The following TMC2 variants were observed in gnomAD, a reference collection of about 807,000 sequenced individuals.
TMC2 encodes the protein transmembrane channel like 2.
TMC2 carries 102 observed loss-of-function variants against 105.9 expected under a neutral mutation model. The ratio of observed to expected loss-of-function variants is 0.96; its 90% confidence interval spans 0.82 to 1.14. The LOEUF is 1.14. Ranked by LOEUF, TMC2 falls within the 50% of genes most tolerant of loss-of-function variation. The pLI, the probability that TMC2 is intolerant of heterozygous loss-of-function variation, is 0.00. For synonymous variants in TMC2, 402 were observed against 422.8 expected (o/e 0.95, Z 0.60); for missense variants, 1,093 against 1,134.3 (o/e 0.96, Z 0.52).
At chr20:2,586,245 A>G (rs1287246476) in intron 7 of TMC2, among the ~76,000 whole-genome samples, 1 of 152,158 alleles carries the variant, frequency 6.6e-6, no homozygotes, top group Non-Finnish European at 1.5e-5. Context: ...TTACCATGAG[A>G]CTAAAAAGAT....
At chr20:2,539,247 T>A (rs1054783615) in intron 2 of TMC2, among the ~76,000 whole-genome samples, 1 of 152,140 alleles carries the variant, frequency 6.6e-6, no homozygotes, top group African/African-American at 2.4e-5. Context: ...TGTTGAAAAC[T>A]GATTATGAAA....
rs1568516727 is a variant in TMC2, at chr20:2,592,379, A to G, written c.904A>G (p.Met302Val). 4 of 1,613,920 alleles carry G rather than the reference A, an allele frequency of 2.5e-6. No individual in the cohort carries two copies. Among genetic ancestry groups the G allele is most frequent in the Admixed American group, 1.7e-5 (1 of 60,004 alleles). The change falls in exon 8 of 20, where the codon ATG becomes GTG. Residue 302 changes from methionine (M) to valine (V), a missense_variant. Physicochemically the swap from Met to Val is conservative, Grantham distance 21. Transcript: ENST00000358864. The surrounding 1 kb of genome is among the most constrained non-coding windows in gnomAD (Gnocchi z 4.9). ...TVPRAEEEKA[M>V]DFSVLWDFEG... is the part of the protein sequence containing the mutation. ...GCCTCGGGCTGAGGAAGAAAAGGCC[A>G]TGGATTTTTCTGTCCTTTGGGATTT...
At chr20:2,561,092 A>G (rs1028252124) in intron 3 of TMC2, among the ~76,000 whole-genome samples, 2 of 152,228 alleles carry the variant, frequency 1.3e-5, no homozygotes, top group Non-Finnish European at 2.9e-5. Context: ...AATGCCACTG[A>G]GTTGACATAA....
intron 7 of TMC2, among the ~76,000 whole-genome samples, chr20:2,585,952 C>T (rs1005383545): frequency 2.0e-5 from 3 of 152,166 alleles, no homozygotes; most frequent in African/African-American, 7.2e-5. Flanking sequence ...ATCAAGCCCA[C>T]ACTCAGTGGG....
chr20:2,578,078 T>C (rs1464733085), intron 5 of TMC2, among the ~76,000 whole-genome samples: 1 of 152,046 alleles, frequency 6.6e-6, no homozygotes, highest in Non-Finnish European at 1.5e-5. Flanking sequence ...CCCAACACTT[T>C]GGGAGGTCGA....
rs1034135177 is a variant in TMC2, at chr20:2,616,937, C to A, written c.1941-135C>A. On this transcript the variant is annotated intron_variant, in intron 15 of 19. Coordinates refer to ENST00000358864, the MANE Select transcript of TMC2 (RefSeq NM_080751.3). This position sits in a 1 kb window ranked among gnomAD's most constrained non-coding sequence, Gnocchi z 4.8. ...ATCGATATTCTGGTTAAATGGGAGG[C>A]CCCTTACCTGGGGACTTGCCAGGAA... 3.3e-6 allele frequency: 3 copies of A among 919,660 alleles called. No homozygotes were observed. The highest frequency in any genetic ancestry group is 4.5e-5 in the Admixed American group (2 of 44,806). The allele number at this position is 919,660 out of a possible 1,614,324, so 57.0% of individuals were successfully genotyped here.
chr20:2,641,105 C>G (rs775579864), intron 19 of TMC2, 29 bp from the exon 20 acceptor site: 1 of 1,601,774 alleles, frequency 6.2e-7, no homozygotes, highest in South Asian at 1.1e-5. Flanking sequence ...TCTCCCACTT[C>G]CTCTTTCTTG....
Position 2,597,282 on chromosome 20 carries a change from T to C in TMC2, c.1208T>C (p.Ile403Thr). Residue 403 changes from isoleucine (I) to threonine (T), a missense_variant, in exon 10 of 20, where the codon ATC becomes ACC. By Grantham distance (89) the Ile-to-Thr change is moderately conservative. Transcript: ENST00000358864. ...SETADNKYAS[I>T]TTSFKESIVD... ...ACAGCTGATAACAAATATGCATCCATCACCACCAGCTTCAAGGTAGTCACC... is the reference window on the plus strand; with the variant it reads ...ACAGCTGATAACAAATATGCATCCACCACCACCAGCTTCAAGGTAGTCACC... 6.2e-7 allele frequency: 1 copy of C among 1,613,852 alleles called. No individual in the cohort carries two copies. Among genetic ancestry groups the C allele is most frequent in the Non-Finnish European group, 8.5e-7 (1 of 1,179,872 alleles).
At chr20:2,543,958 A>C (rs2085907699) in intron 2 of TMC2, among the ~76,000 whole-genome samples, 1 of 147,666 alleles carries the variant, frequency 6.8e-6, no homozygotes, top group Non-Finnish European at 1.5e-5. Flanking sequence ...GCTGAAGTGC[A>C]TGGCATGATC....
chr20:2,640,990 G>A (rs1015644303), intron 19 of TMC2, 144 bp from the exon 20 acceptor site: 12 of 693,462 alleles, frequency 1.7e-5, no homozygotes, highest in East Asian at 5.1e-5. Flanking sequence ...AGGTGACCCC[G>A]AGACAGCTGA....
Position 2,537,278 on chromosome 20 carries a change from G to A in TMC2, c.44G>A (p.Gly15Glu). The part of the protein sequence containing the change: ...VKGLKEEARG[G>E]VKGRVKSGSP... Reference sequence around the variant, plus strand: ...ATCCTGTCTCTTACAGCACGAGGCGGAGTGAAAGGGCGGGTGAAGAGCGGC... The same window carrying A: ...ATCCTGTCTCTTACAGCACGAGGCGAAGTGAAAGGGCGGGTGAAGAGCGGC... Residue 15 changes from glycine (G) to glutamate (E), a missense_variant, in exon 2 of 20, where the codon GGA becomes GAA. By Grantham distance (98) the Gly-to-Glu change is moderately conservative. Coordinates refer to ENST00000358864, the MANE Select transcript of TMC2 (RefSeq NM_080751.3). The A allele has an allele frequency of 6.2e-6, 10 of 1,603,880 alleles. No individual in the cohort carries two copies. Among genetic ancestry groups the A allele is most frequent in the Non-Finnish European group, 8.5e-6 (10 of 1,175,436 alleles).
At chr20:2,567,451 T>C (rs989390293) in intron 4 of TMC2, among the ~76,000 whole-genome samples, 9 of 152,246 alleles carry the variant, frequency 5.9e-5, no homozygotes, top group African/African-American at 2.2e-4. Flanking sequence ...TCGCTTGCCA[T>C]ACCAAGAACC....
intron 2 of TMC2, among the ~76,000 whole-genome samples, chr20:2,551,401 G>GT (rs34215696): frequency 0.19 from 26,785 of 144,262 alleles, 2,525 homozygotes; most frequent in African/African-American, 0.21. Context: ...TAGTTTGTGG[G>GT]TTTTTTTTTT....
At chr20:2,545,052 AT>A (rs34362830) in intron 2 of TMC2, among the ~76,000 whole-genome samples, 1,074 of 58,070 alleles carry the variant, frequency 0.018, 9 homozygotes, top group Middle Eastern at 0.042. Context: ...AAAAAAAAAA[AT>A]TTAATTAGAC....
At chr20:2,625,839 C>T (rs79409802) in intron 17 of TMC2, among the ~76,000 whole-genome samples, 21,288 of 152,104 alleles carry the variant, frequency 0.14, 1,564 homozygotes, top group Middle Eastern at 0.17. Context: ...TGGTTGTATT[C>T]CCTTTGGACT....
chr20:2,610,583 T>C lies in TMC2; in HGVS notation c.1578T>C (p.Asp526=), dbSNP rs760474796. 1 of 1,600,704 alleles carries C rather than the reference T, an allele frequency of 6.2e-7. No individual in the cohort carries two copies. The highest frequency in any genetic ancestry group is 8.5e-7 in the Non-Finnish European group (1 of 1,172,612). The part of the protein sequence containing the change: ...NLYTFLLALM[D]DVHLKLANEE... ...ACACATTTCTCTTGGCCCTGATGGA[T>C]GACGTCCACCTCAAGGTAAAAACCA... The change falls in exon 12 of 20, where the codon GAT becomes GAC. Residue 526 remains aspartate (D), a synonymous_variant. Transcript: ENST00000358864.
intron 11 of TMC2, 108 bp downstream of exon 11, chr20:2,602,409 T>C: frequency 2.5e-6 from 2 of 813,740 alleles, no homozygotes; most frequent in Admixed American, 3.8e-5. Flanking sequence ...AGGCTTGTTT[T>C]AATAAGTGAA....
chr20:2,624,498 C>A, intron 17 of TMC2, 102 bp downstream of exon 17: 1 of 1,321,444 alleles, frequency 7.6e-7, no homozygotes, highest in Non-Finnish European at 1.0e-6. Context: ...AGTCTGCACT[C>A]CCCAGAAGCA....
In TMC2 at chr20:2,604,731, T is replaced by G. The variant is rs189122458; in HGVS notation, c.1413+2430T>G. ...TCCAGGGAGGGGAGAGGGGCTGAGGTTGAGTTGATCACTAATGGCCAGTGA... is the reference window on the plus strand; with the variant it reads ...TCCAGGGAGGGGAGAGGGGCTGAGGGTGAGTTGATCACTAATGGCCAGTGA... On this transcript the variant is annotated intron_variant, in intron 11 of 19. Transcript: ENST00000358864. Among the ~76,000 whole-genome samples, 127 of 152,238 alleles carry G rather than the reference T, an allele frequency of 8.3e-4. 1 individual carries two copies. The highest frequency in any genetic ancestry group is 2.6e-3 in the African/African-American group (108 of 41,546).
Sources: allele counts gnomAD v4.1 joint callset (sites outside exome capture counted in the v4.1 genomes callset), GRCh38; gene constraint gnomAD v4.1.1; non-coding constraint Gnocchi (gnomAD v3.1); transcripts MANE v1.5; gene names NCBI Gene and HGNC (gene_info 2026-07-23, HGNC 2026-07-21).